Variants in EYA1 observed in about 807,000 individuals in gnomAD.
EYA1 encodes EYA transcriptional coactivator and phosphatase 1, also known as protein phosphatase EYA1.
In EYA1, 16 loss-of-function variants were observed where a neutral mutation model predicts 82.0. The ratio of observed to expected loss-of-function variants is 0.20; its 90% CI spans 0.13 to 0.30. The LOEUF (loss-of-function observed/expected upper bound fraction) is 0.30. Ranked by LOEUF, EYA1 falls within the 10% of genes least tolerant of loss-of-function variation. The pLI is 1.00. For synonymous variants in EYA1, 261 were observed against 264.4 expected (o/e 0.99, Z 0.12); for missense variants, 633 against 730.7 (o/e 0.87, Z 1.54).
At chr8:71,261,206 T>C (rs1189721593) in intron 11 of EYA1, among the ~76,000 whole-genome samples, 5 of 152,166 alleles carry the variant, frequency 3.3e-5, no homozygotes, top group African/African-American at 7.2e-5. Context: ...ACCAAAAGTG[T>C]TATCCAAATG....
chr8:71,339,380 G>A (rs1563495158), intron 3 of EYA1, among the ~76,000 whole-genome samples: 1 of 152,120 alleles, frequency 6.6e-6, no homozygotes, highest in African/African-American at 2.4e-5. Context: ...TAGCAGAACA[G>A]GTGCCATACA....
At position 71,299,239 on chromosome 8, in the gene EYA1, A is replaced by G. The variant is rs779333071; in HGVS notation, c.640-6T>C. The G allele has an allele frequency of 1.2e-6, 2 of 1,613,640 alleles. No homozygotes were observed. Among genetic ancestry groups the G allele is most frequent in the African/African-American group, 2.7e-5 (2 of 74,910 alleles). Reference sequence around the variant, plus strand: ...CTGGGATAAGACGGATAGTCCTACCAAATCAAACCACACAAGAATTGTCTG... The same window carrying G: ...CTGGGATAAGACGGATAGTCCTACCGAATCAAACCACACAAGAATTGTCTG... On this transcript the variant is annotated splice_region_variant and splice_polypyrimidine_tract_variant and intron_variant, in intron 8 of 17. Transcript: ENST00000340726.
intron 12 of EYA1, among the ~76,000 whole-genome samples, chr8:71,221,809 G>C (rs2128866344): frequency 6.6e-6 from 1 of 152,256 alleles, no homozygotes; most frequent in Non-Finnish European, 1.5e-5. Flanking sequence ...TGCACATTAA[G>C]AGACCTAATG....
chr8:71,326,310 T>C (rs983965361), intron 4 of EYA1, among the ~76,000 whole-genome samples: 3 of 152,144 alleles, frequency 2.0e-5, no homozygotes, highest in Non-Finnish European at 4.4e-5. Flanking sequence ...AGCCTAGAAG[T>C]AAGTTTTGAC....
chr8:71,387,611 A>G (rs1435947601), intron 2 of EYA1, among the ~76,000 whole-genome samples: 1 of 152,168 alleles, frequency 6.6e-6, no homozygotes, highest in African/African-American at 2.4e-5. Context: ...AGCAATGCTG[A>G]CGGCACCCAC....
chr8:71,269,743 C>T lies in EYA1; in HGVS notation c.1047G>A (p.Gly349=), dbSNP rs1205635059. ...ACTGATGCCTCTTGGTACTCACCCT[C>T]CCATATCTGTTGGCGTAGGACCCAG... ...LLTGSYANRY[G]RDPPTSVSLG... The change falls in exon 11 of 18, where the codon GGG becomes GGA. Residue 349 remains glycine, a synonymous_variant. Transcript: ENST00000340726. 1.9e-6 allele frequency: 3 copies of T among 1,612,670 alleles called. No homozygotes were observed. The African/African-American group carries it at 4.0e-5, about 22-fold the overall frequency.
intron 12 of EYA1, among the ~76,000 whole-genome samples, chr8:71,241,813 A>T (rs1312179230): frequency 2.7e-5 from 4 of 146,856 alleles, no homozygotes; most frequent in Admixed American, 1.4e-4. Flanking sequence ...GCCAATAGAC[A>T]TTTTTTTTTT....
At chr8:71,336,076 T>A (rs1166295279) in intron 3 of EYA1, among the ~76,000 whole-genome samples, 1 of 152,202 alleles carries the variant, frequency 6.6e-6, no homozygotes, top group African/African-American at 2.4e-5. Context: ...TGTCTTCTTG[T>A]TTCCCATGCA....
intron 2 of EYA1, among the ~76,000 whole-genome samples, chr8:71,450,857 T>C (rs145680564): frequency 2.3e-4 from 35 of 152,338 alleles, no homozygotes; most frequent in Admixed American, 2.0e-3. Flanking sequence ...CATAAATGCA[T>C]GGGCTAAAAT....
chr8:71,446,226 TA>T (rs2129174826), intron 2 of EYA1, among the ~76,000 whole-genome samples: 1 of 152,280 alleles, frequency 6.6e-6, no homozygotes, highest in East Asian at 1.9e-4. Context: ...ATAATCTCCA[TA>T]ATCCCCAGGT....
intron 9 of EYA1, among the ~76,000 whole-genome samples, chr8:71,276,558 C>G (rs1266658116): frequency 1.3e-5 from 2 of 152,176 alleles, no homozygotes; most frequent in Non-Finnish European, 2.9e-5. Flanking sequence ...CTTAGTGTCT[C>G]CATCAAATTA....
intron 2 of EYA1, among the ~76,000 whole-genome samples, chr8:71,433,000 A>C (rs1805735124): frequency 6.6e-6 from 1 of 152,318 alleles, no homozygotes; most frequent in South Asian, 2.1e-4. Context: ...CTAGAAGTGC[A>C]TACCTTCTCT....
At chr8:71,518,316 C>T (rs576204170) in intron 2 of EYA1, among the ~76,000 whole-genome samples, 2 of 152,206 alleles carry the variant, frequency 1.3e-5, no homozygotes, top group South Asian at 4.1e-4. Context: ...ATTGCTGACC[C>T]CAGTAAACCA....
chr8:71,463,591 C>A (rs1808540039), intron 2 of EYA1, among the ~76,000 whole-genome samples: 1 of 70,888 alleles, frequency 1.4e-5, no homozygotes. Flanking sequence ...CTCTCTCTCT[C>A]TCTCTCTCTC....
chr8:71,487,685 G>A lies in EYA1; in HGVS notation c.33+48059C>T, dbSNP rs535498421. Among the ~76,000 whole-genome samples, 14 of 152,216 alleles carry A rather than the reference G, an allele frequency of 9.2e-5. No individual in the cohort carries two copies. In the East Asian group the frequency reaches 2.3e-3, roughly 25 times the overall value. ...GGCAAAAGAGATGAACAGGCACTTC[G>A]CAAAACAGGCTAACCAAATGACTAA... On this transcript the variant is annotated intron_variant, in intron 2 of 18. Transcript: ENST00000643681.
At chr8:71,252,467 G>A (rs933464049) in intron 11 of EYA1, among the ~76,000 whole-genome samples, 1 of 152,034 alleles carries the variant, frequency 6.6e-6, no homozygotes, top group South Asian at 2.1e-4. Flanking sequence ...AGGCACTTTC[G>A]ATAGAATGTT....
intron 11 of EYA1, among the ~76,000 whole-genome samples, chr8:71,268,404 T>C (rs1271647444): frequency 6.6e-6 from 1 of 152,346 alleles, no homozygotes; most frequent in Non-Finnish European, 1.5e-5. Flanking sequence ...TATTAGTCTT[T>C]AGTTTTTAAG....
At chr8:71,362,193 G>A, upstream of EYA1, 2 of 533,410 alleles carry the variant, frequency 3.7e-6, no homozygotes, top group Non-Finnish European at 4.4e-6. Context: ...TTTTTGCAAC[G>A]CAAACCACAG....
chr8:71,498,766 A>G (rs1811602042), intron 2 of EYA1, among the ~76,000 whole-genome samples: 1 of 152,176 alleles, frequency 6.6e-6, no homozygotes, highest in Admixed American at 6.5e-5. Context: ...ATATGTAGAG[A>G]TAGGACCCTG....
Sources: gnomAD v4.1 joint callset for allele counts (sites outside exome capture counted in the v4.1 genomes callset) on GRCh38, gnomAD v4.1.1 for gene constraint, MANE v1.5 for transcripts, NCBI Gene and HGNC (gene_info 2026-07-23, HGNC 2026-07-21) for gene names.